Variants in ABR observed in about 807,000 individuals in gnomAD.
ABR encodes ABR activator of RhoGEF and GTPase.
ABR carries 35 observed loss-of-function variants against 107.2 expected under a neutral mutation model. The observed-to-expected ratio is 0.33, with a 90% CI of 0.25 to 0.43. The LOEUF (loss-of-function observed/expected upper bound fraction) is 0.43. Ranked by LOEUF, ABR falls within the 20% of genes least tolerant of loss-of-function variation. The probability of loss-of-function intolerance (pLI) is 1.00; values close to 1 mark genes in which losing one functional copy is unlikely to be tolerated. For missense variants in ABR, 815 were observed against 1,115.2 expected, an observed-to-expected ratio of 0.73 and a Z score of 3.83; for synonymous variants, 498 against 462.0, an observed-to-expected ratio of 1.08 and a Z score of -1.00.
At chr17:1,008,112 G>A (rs888086547) in intron 21 of ABR, among the ~76,000 whole-genome samples, 1 of 152,118 alleles carries the variant, frequency 6.6e-6, no homozygotes, top group Non-Finnish European at 1.5e-5. Flanking sequence ...TGGGACCCAG[G>A]ATTGTCCTCC....
intron 1 of ABR, among the ~76,000 whole-genome samples, chr17:1,170,005 T>G (rs1455237281): frequency 1.1e-4 from 15 of 130,556 alleles, no homozygotes; most frequent in African/African-American, 4.5e-4. Flanking sequence ...TGTGTGTGTG[T>G]GTGGGGGGGG....
rs533995720 is a variant in ABR at position 1,193,905 on chromosome 17, A to G, written c.838+34888T>C. 8.6e-5 allele frequency among the ~76,000 whole-genome samples: 13 copies of G among 151,912 alleles called. No homozygotes were observed. In the East Asian group the frequency reaches 2.4e-3, roughly 28 times the overall value. On this transcript the variant is annotated intron_variant, in intron 1 of 22. Transcript: ENST00000574139. ...GAGACGGGGTTTCACCGTGTTAGCCAGGATGGTTTTGATCTCCTGACCTCG... is the reference window on the plus strand; with the variant it reads ...GAGACGGGGTTTCACCGTGTTAGCCGGGATGGTTTTGATCTCCTGACCTCG...
At chr17:1,174,923 T>C (rs557715509) in intron 1 of ABR, among the ~76,000 whole-genome samples, 12 of 152,264 alleles carry the variant, frequency 7.9e-5, no homozygotes, top group African/African-American at 2.9e-4. Flanking sequence ...CCAGATCTGC[T>C]TGGAGAATCC....
intron 16 of ABR, among the ~76,000 whole-genome samples, chr17:1,040,290 C>T (rs1375161898): frequency 6.6e-6 from 1 of 152,172 alleles, no homozygotes; most frequent in Non-Finnish European, 1.5e-5. Flanking sequence ...GAGCCCTTGA[C>T]TCCTGCCCTG....
In ABR at chr17:1,226,529, CAG is replaced by C. The variant is rs1372460877; in HGVS notation, c.838+2262_838+2263del. On this transcript the variant is annotated intron_variant, in intron 1 of 22. Coordinates refer to the ABR transcript ENST00000574139. ...CATGTGTGTGCATGCATGTATGTGA[CAG>C]TGTGCCATGTACATACGTGTGCAGG... 4.1e-5 allele frequency among the ~76,000 whole-genome samples: 6 copies of C among 147,852 alleles called. No individual in the cohort carries two copies. In the East Asian group the frequency reaches 1.2e-3, roughly 30 times the overall value.
intron 16 of ABR, among the ~76,000 whole-genome samples, chr17:1,033,982 T>C (rs1299841875): frequency 1.3e-5 from 2 of 150,592 alleles, no homozygotes; most frequent in South Asian, 2.1e-4. Context: ...TTTTTTTTTT[T>C]TTTTTTGAGG....
intron 3 of ABR, among the ~76,000 whole-genome samples, chr17:1,094,794 TGCA>T (rs2037290418): frequency 1.3e-5 from 2 of 152,168 alleles, no homozygotes; most frequent in Non-Finnish European, 1.5e-5. Flanking sequence ...CCTGGAGGGC[TGCA>T]TGGAGGAGGC....
rs768794842 is a variant in ABR, at chr17:1,079,323, G to A, written c.700+7C>T. 144 of 1,612,994 alleles carry A rather than the reference G, an allele frequency of 8.9e-5. No individual in the cohort carries two copies. Among genetic ancestry groups the A allele is most frequent in the South Asian group, 1.1e-4 (10 of 90,872 alleles). ...GTGCCTGTAATCCAGCCCGCTCCCC[G>A]AGGTACCTTCCATGGTGACAGACGT... On this transcript the variant is annotated splice_region_variant and intron_variant, in intron 6 of 22. Transcript: ENST00000302538.
chr17:1,065,584 T>C (rs113230364), intron 10 of ABR, among the ~76,000 whole-genome samples: 1 of 152,176 alleles, frequency 6.6e-6, no homozygotes, highest in African/African-American at 2.4e-5. Context: ...TTATGTGAAC[T>C]GAGGGCTATT....
chr17:1,062,039 T>A (rs987242338), intron 10 of ABR, among the ~76,000 whole-genome samples: 3 of 152,110 alleles, frequency 2.0e-5, no homozygotes, highest in Admixed American at 1.3e-4. Context: ...ACCAAGACTG[T>A]GGTGGGCGTG....
chr17:1,106,771 C>G (rs1402992694), intron 2 of ABR, among the ~76,000 whole-genome samples: 1 of 152,138 alleles, frequency 6.6e-6, no homozygotes, highest in African/African-American at 2.4e-5. Flanking sequence ...CTCAGGTGAT[C>G]CGCCCACCTC....
Position 1,179,362 on chromosome 17 carries a change from G to T in ABR, c.61+305C>A, listed in dbSNP as rs1367287329. Among the ~76,000 whole-genome samples the T allele has an allele frequency of 3.9e-5, 6 of 152,096 alleles. No homozygotes were observed. Among genetic ancestry groups the T allele is most frequent in the African/African-American group, 7.2e-5 (3 of 41,434 alleles). On this transcript the variant is annotated intron_variant, in intron 1 of 22. Coordinates refer to ENST00000302538, the MANE Select transcript of ABR (RefSeq NM_021962.5). This position sits in a 1 kb window ranked among gnomAD's most constrained non-coding sequence, Gnocchi z 4.9. ...AGGCCGGGTTCACAACAGGTGGGAG[G>T]GGGGACGCAGCTCTCGGCTCGGTCC...
chr17:1,044,568 G>A (rs186423278), intron 16 of ABR, among the ~76,000 whole-genome samples: 24 of 151,848 alleles, frequency 1.6e-4, no homozygotes, highest in Admixed American at 2.0e-4. Flanking sequence ...GGAGAATGGC[G>A]TGAACCTGGG....
At chr17:1,111,335 C>A (rs1219206609) in intron 2 of ABR, among the ~76,000 whole-genome samples, 2 of 152,170 alleles carry the variant, frequency 1.3e-5, no homozygotes, top group African/African-American at 4.8e-5. Flanking sequence ...TCCCCGGTGG[C>A]TGGAAATTCC....
intron 1 of ABR, among the ~76,000 whole-genome samples, chr17:1,195,211 G>A (rs1020301655): frequency 2.0e-4 from 30 of 148,078 alleles, no homozygotes; most frequent in Admixed American, 8.3e-4. Flanking sequence ...GGAGGCTGAG[G>A]CAGGAGAATG....
Position 1,078,891 on chromosome 17 carries a change from A to G in ABR, c.700+439T>C. On this transcript the variant is annotated intron_variant, in intron 6 of 22. Transcript: ENST00000302538. This position sits in a 1 kb window ranked among gnomAD's most constrained non-coding sequence, Gnocchi z 7.5. ...CTCTGTCCCCGCGGCGGGAGCGTGC[A>G]GCCATCGCTCCAGGCTCCCCGGCGC... 6.5e-7 allele frequency: 1 copy of G among 1,535,222 alleles called. No homozygotes were observed. The highest frequency in any genetic ancestry group is 8.7e-7 in the Non-Finnish European group (1 of 1,146,606).
At chr17:1,115,895 C>T (rs1197216621) in intron 2 of ABR, among the ~76,000 whole-genome samples, 1 of 151,632 alleles carries the variant, frequency 6.6e-6, no homozygotes, top group Non-Finnish European at 1.5e-5. Context: ...CCACTGCACT[C>T]CAGCCTGGGT....
chr17:1,198,601 C>T (rs964933585), intron 1 of ABR, among the ~76,000 whole-genome samples: 7 of 150,998 alleles, frequency 4.6e-5, no homozygotes, highest in Non-Finnish European at 8.8e-5. Context: ...ATTAACCAGG[C>T]GTGGCGGTGT....
In ABR at chr17:1,050,663, G is replaced by A. The variant is rs1354611732; in HGVS notation, c.1562-29C>T. 1.9e-6 allele frequency: 3 copies of A among 1,593,140 alleles called. No individual in the cohort carries two copies. Among genetic ancestry groups the A allele is most frequent in the Non-Finnish European group, 1.7e-6 (2 of 1,161,594 alleles). ...TGGGGGAAGGACAGACGGAGATACTGAGTGAGTGGGGCCAGGGTGGGGCAG... is the reference window on the plus strand; with the variant it reads ...TGGGGGAAGGACAGACGGAGATACTAAGTGAGTGGGGCCAGGGTGGGGCAG... On this transcript the variant is annotated intron_variant, in intron 14 of 22. Coordinates refer to ENST00000302538, the MANE Select transcript of ABR (RefSeq NM_021962.5). This position sits in a 1 kb window ranked among gnomAD's most constrained non-coding sequence, Gnocchi z 4.6.
Sources: allele counts gnomAD v4.1 joint callset (sites outside exome capture counted in the v4.1 genomes callset), GRCh38; gene constraint gnomAD v4.1.1; non-coding constraint Gnocchi (gnomAD v3.1); transcripts MANE v1.5; gene names NCBI Gene and HGNC (gene_info 2026-07-23, HGNC 2026-07-21).